Variants in ILDR2 observed in about 807,000 individuals in gnomAD.
ILDR2 encodes immunoglobulin like domain containing receptor 2, also known as immunoglobulin-like domain-containing receptor 2.
A neutral mutation model predicts 66.8 loss-of-function variants in ILDR2; 25 were observed. The observed-to-expected ratio is 0.37, with a 90% CI of 0.27 to 0.52. ILDR2 has a LOEUF of 0.52. ILDR2 is among the 20% of genes least tolerant of loss of function. The pLI is 0.88. For synonymous variants in ILDR2, 367 were observed against 357.2 expected (o/e 1.03, Z -0.31); for missense variants, 827 against 876.8 (o/e 0.94, Z 0.72).
At chr1:166,895,710 G>T, downstream of ILDR2, 1 of 152,158 alleles carries the variant, frequency 6.6e-6, no homozygotes, top group East Asian at 1.9e-4. Context: ...CAAGAGAAAA[G>T]CATATACATT....
intron 6 of ILDR2, among the ~76,000 whole-genome samples, chr1:166,934,101 T>C (rs186405681): frequency 8.9e-4 from 135 of 152,278 alleles, no homozygotes; most frequent in African/African-American, 3.2e-3. Flanking sequence ...CTATAGCACA[T>C]ACAATCCTAA....
At chr1:166,920,682 G>T in intron 9 of ILDR2, 25 bp downstream of exon 9, 1 of 1,364,056 alleles carries the variant, frequency 7.3e-7, no homozygotes. Flanking sequence ...TCCCCTCGGA[G>T]GAGGGGAGGC....
intron 3 of ILDR2, among the ~76,000 whole-genome samples, chr1:166,950,476 G>A (rs1028035833): frequency 6.6e-6 from 1 of 152,250 alleles, no homozygotes; most frequent in Admixed American, 6.5e-5. Context: ...AGTCACAGGG[G>A]TAGGGGGTGG....
intron 3 of ILDR2, among the ~76,000 whole-genome samples, chr1:166,951,790 C>G (rs1436871985): frequency 6.6e-6 from 1 of 152,116 alleles, no homozygotes; most frequent in Non-Finnish European, 1.5e-5. Flanking sequence ...ACAAGAGAAC[C>G]TGTTCCATAT....
At chr1:166,943,132 C>T (rs1365551084) in intron 3 of ILDR2, among the ~76,000 whole-genome samples, 1 of 152,076 alleles carries the variant, frequency 6.6e-6, no homozygotes, top group African/African-American at 2.4e-5. Context: ...GAATTCAAAA[C>T]ATAGTAGGAG....
chr1:166,945,660 G>C (rs1188854681), intron 3 of ILDR2, among the ~76,000 whole-genome samples: 1 of 152,180 alleles, frequency 6.6e-6, no homozygotes, highest in Non-Finnish European at 1.5e-5. Context: ...AGAAGTTCAG[G>C]ATTTAGGACA....
intron 6 of ILDR2, among the ~76,000 whole-genome samples, chr1:166,933,024 A>C (rs1239117706): frequency 6.6e-6 from 1 of 152,228 alleles, no homozygotes; most frequent in Admixed American, 6.5e-5. Flanking sequence ...GGTGAGGATC[A>C]TGAAGAAGTC....
At position 166,921,474 on chromosome 1, in the gene ILDR2, T is replaced by C. The variant is rs1659939809; in HGVS notation, c.1212-95A>G. Reference sequence around the variant, plus strand: ...CACCCATCGTGTCCTGGGGCCACGCTCAGGAGACCTCGGCCTGAGCCTCAG... The same window carrying C: ...CACCCATCGTGTCCTGGGGCCACGCCCAGGAGACCTCGGCCTGAGCCTCAG... On this transcript the variant is annotated intron_variant, in intron 8 of 9. Transcript: ENST00000271417. The surrounding 1 kb of genome is among the most constrained non-coding windows in gnomAD (Gnocchi z 5.3). The C allele has an allele frequency of 1.9e-6, 2 of 1,025,962 alleles. No individual in the cohort carries two copies. Among genetic ancestry groups the C allele is most frequent in the Non-Finnish European group, 2.8e-6 (2 of 723,366 alleles). The allele number at this position is 1,025,962 out of a possible 1,614,324, so 63.6% of individuals were successfully genotyped here.
chr1:166,941,768 A>G (rs1395354437), intron 3 of ILDR2, among the ~76,000 whole-genome samples: 1 of 152,212 alleles, frequency 6.6e-6, no homozygotes, highest in African/African-American at 2.4e-5. Context: ...ACTTCTCAAG[A>G]TTACCAATGT....
intron 3 of ILDR2, among the ~76,000 whole-genome samples, chr1:166,947,611 G>A (rs1287910718): frequency 6.6e-6 from 1 of 152,122 alleles, no homozygotes; most frequent in African/African-American, 2.4e-5. Flanking sequence ...TTTCTTTCCA[G>A]GGGCTGAGCC....
intron 1 of ILDR2, among the ~76,000 whole-genome samples, chr1:166,967,084 C>T (rs1662996964): frequency 6.6e-6 from 1 of 152,214 alleles, no homozygotes; most frequent in Admixed American, 6.5e-5. Flanking sequence ...GTATATATTT[C>T]CTAGCCTCTC....
intron 6 of ILDR2, among the ~76,000 whole-genome samples, chr1:166,930,822 A>C (rs1305521715): frequency 6.6e-6 from 1 of 152,136 alleles, no homozygotes; most frequent in Non-Finnish European, 1.5e-5. Flanking sequence ...ATTTTTCTTG[A>C]TTTGACAGCA....
At chr1:166,899,337 G>A (rs1434582922) in intron 2 of ILDR2, among the ~76,000 whole-genome samples, 1 of 151,032 alleles carries the variant, frequency 6.6e-6, no homozygotes, top group Non-Finnish European at 1.5e-5. Context: ...AGGTTGCAAT[G>A]AGCCGAGATC....
downstream of ILDR2, among the ~76,000 whole-genome samples, chr1:166,905,148 A>G (rs1373813084): frequency 6.6e-6 from 1 of 152,110 alleles, no homozygotes; most frequent in Non-Finnish European, 1.5e-5. Context: ...CTCTCTCAAA[A>G]TCTCGTATAA....
At chr1:166,958,126 G>C (rs376741265) in intron 1 of ILDR2, 25 bp from the exon 2 acceptor site, 31 of 1,578,576 alleles carry the variant, frequency 2.0e-5, no homozygotes, top group Non-Finnish European at 2.5e-5. Context: ...AAACATGTCC[G>C]AACAGTGTCC....
chr1:166,962,783 T>C (rs1271806409), intron 1 of ILDR2, among the ~76,000 whole-genome samples: 1 of 152,230 alleles, frequency 6.6e-6, no homozygotes, highest in African/African-American at 2.4e-5. Context: ...GTACTTCTTA[T>C]GCTGGAGTCT....
At chr1:166,935,676 C>T (rs1049233851) in intron 5 of ILDR2, among the ~76,000 whole-genome samples, 199 bp from the exon 6 acceptor site, 8 of 152,160 alleles carry the variant, frequency 5.3e-5, no homozygotes, top group African/African-American at 9.7e-5. Flanking sequence ...CTCCACCAAA[C>T]GGCAACGACA....
In ILDR2 at chr1:166,909,611, G is replaced by C. The variant is rs966626469; in HGVS notation, c.*9744C>G. 2.0e-5 allele frequency: 3 copies of C among 151,600 alleles called. No individual in the cohort carries two copies. Among genetic ancestry groups the C allele is most frequent in the Admixed American group, 6.6e-5 (1 of 15,242 alleles). 9.4% of individuals were successfully genotyped at this position (151,600 alleles called of 1,614,324 possible). On this transcript the variant is annotated 3_prime_UTR_variant, in exon 10 of 10. Transcript: ENST00000271417. ...GCCTAAGTCATACCAGCAACAAAAA[G>C]AGGCTGGGAGGGTGGGGTTGTATAT...
rs76189179 is a variant in ILDR2 at position 166,969,816 on chromosome 1, G to C, written c.46+5407C>G. 6.8e-3 allele frequency among the ~76,000 whole-genome samples: 1,040 copies of C among 152,266 alleles called. 5 individuals carry two copies. The highest frequency in any genetic ancestry group is 0.023 in the African/African-American group (967 of 41,542). ...GAATTCAGGCACTTCAAATAACCAA[G>C]TCATATTAAGGCAGTGACATTATTT... On this transcript the variant is annotated intron_variant, in intron 1 of 9. Transcript: ENST00000271417.
Sources: allele counts gnomAD v4.1 joint callset (sites outside exome capture counted in the v4.1 genomes callset), GRCh38; gene constraint gnomAD v4.1.1; non-coding constraint Gnocchi (gnomAD v3.1); transcripts MANE v1.5; gene names NCBI Gene and HGNC (gene_info 2026-07-23, HGNC 2026-07-21).